RPF1: variants seen among roughly 807,000 people sequenced by gnomAD.
The protein encoded by RPF1 is ribosome production factor 1.
Under a neutral mutation model 41.9 loss-of-function variants are expected in RPF1, and 34 were observed. The observed-to-expected ratio is 0.81, with a 90% CI of 0.62 to 1.08. The LOEUF (loss-of-function observed/expected upper bound fraction) is 1.08. Among genes scored for constraint, RPF1 ranks in the 50% least tolerant of loss-of-function variants. RPF1 has a pLI of 0.00. For synonymous variants in RPF1, 140 were observed against 148.9 expected (o/e 0.94, Z 0.43); for missense variants, 425 against 435.2 (o/e 0.98, Z 0.21).
In RPF1 at chr1:84,481,160, A is replaced by G. The variant is rs538462283; in HGVS notation, c.285+148A>G. The G allele has an allele frequency of 1.0e-3, 540 of 521,080 alleles. 10 individuals carry two copies. Among genetic ancestry groups the G allele is most frequent in the Middle Eastern group, 5.2e-4 (1 of 1,922 alleles). 32.3% of individuals were successfully genotyped at this position (521,080 alleles called of 1,614,324 possible). A position where few individuals can be genotyped will look rare whatever the true frequency, so the allele number is the denominator to read the frequency against. ...AAAGTAATATAATAAACCTCTTTGT[A>G]TCATTTACCCAGCTTAAGAAATAAT... On this transcript the variant is annotated intron_variant, in intron 2 of 8. Coordinates refer to ENST00000370654, the MANE Select transcript of RPF1 (RefSeq NM_025065.7).
intron 3 of RPF1, among the ~76,000 whole-genome samples, chr1:84,487,180 T>A (rs962386667): frequency 6.6e-6 from 1 of 152,128 alleles, no homozygotes; most frequent in Admixed American, 6.5e-5. Context: ...TAATTTTGAG[T>A]CATGGAATGT....
rs1389084302 is a variant in RPF1 at position 84,497,631 on chromosome 1, T to TATGTAGAA, written c.*163_*170dup. The stretch of plus-strand genomic sequence containing the variant: ...ATGCCATGAATTGCCACTGTGTGTT[T>TATGTAGAA]ATGTAGAAAATACAAATAAAAGTTA... On this transcript the variant is annotated 3_prime_UTR_variant, in exon 9 of 9. Coordinates refer to ENST00000370654, the MANE Select transcript of RPF1 (RefSeq NM_025065.7). The TATGTAGAA allele has an allele frequency of 8.1e-6, 4 of 496,840 alleles. No homozygotes were observed. The highest frequency in any genetic ancestry group is 1.4e-5 in the Non-Finnish European group (4 of 275,984). The allele number at this position is 496,840 out of a possible 1,614,324, so 30.8% of individuals were successfully genotyped here. A position where few individuals can be genotyped will look rare whatever the true frequency, so the allele number is the denominator to read the frequency against.
chr1:84,481,243 A>G (rs1002483828), intron 2 of RPF1, among the ~76,000 whole-genome samples: 2 of 152,228 alleles, frequency 1.3e-5, no homozygotes, highest in African/African-American at 4.8e-5. Context: ...TTTCCCTCCG[A>G]AGATAACCAC....
intron 5 of RPF1, among the ~76,000 whole-genome samples, chr1:84,493,496 G>T (rs1167674973): frequency 6.6e-6 from 1 of 151,908 alleles, no homozygotes; most frequent in Admixed American, 6.6e-5. Context: ...AGGTTGAGGT[G>T]GGAGGATTGC....
At chr1:84,489,874 AT>A (rs1681801595) in intron 4 of RPF1, 146 bp downstream of exon 4, 1 of 602,098 alleles carries the variant, frequency 1.7e-6, no homozygotes, top group Admixed American at 2.9e-5. Context: ...CTCTGGTAAT[AT>A]GATGTAGGTT....
intron 5 of RPF1, 61 bp downstream of exon 5, chr1:84,490,533 A>G: frequency 1.7e-6 from 2 of 1,163,024 alleles, no homozygotes; most frequent in South Asian, 3.5e-5. Flanking sequence ...TTAAAAATAT[A>G]TTTAAAAGAA....
At chr1:84,487,966 T>C (rs1046621876) in intron 3 of RPF1, among the ~76,000 whole-genome samples, 5 of 152,156 alleles carry the variant, frequency 3.3e-5, no homozygotes, top group African/African-American at 1.2e-4. Context: ...CCACAATGAA[T>C]TGTAATGCCA....
intron 3 of RPF1, among the ~76,000 whole-genome samples, chr1:84,485,617 A>C (rs1249280482): frequency 6.6e-6 from 1 of 152,174 alleles, no homozygotes; most frequent in African/African-American, 2.4e-5. Flanking sequence ...GTCCTTTTTC[A>C]GTACTTCTTA....
intron 3 of RPF1, 105 bp downstream of exon 3, chr1:84,483,100 G>T (rs1681681009): frequency 1.6e-6 from 1 of 644,596 alleles, no homozygotes; most frequent in African/African-American, 1.8e-5. Flanking sequence ...TTGCATAATG[G>T]ACTGATTCAG....
chr1:84,486,415 AT>A (rs956436842), intron 3 of RPF1, among the ~76,000 whole-genome samples: 5 of 151,886 alleles, frequency 3.3e-5, no homozygotes, highest in African/African-American at 9.7e-5. Flanking sequence ...GTGAAACCCC[AT>A]CTCTACTAAA....
In RPF1 at chr1:84,490,442, ATTGT is replaced by A. The variant is rs766966264; in HGVS notation, c.588_591del (p.Val197LeufsTer13). On this transcript the variant is annotated frameshift_variant, in exon 5 of 9. Transcript: ENST00000370654. LOFTEE classifies it high-confidence loss of function. The stretch of plus-strand genomic sequence containing the variant: ...CATCGCAAGAGATTTCACAGACCTG[ATTGT>A]TATTAATGAAGATCGTAAAACCCCA... The A allele has an allele frequency of 6.2e-7, 1 of 1,600,594 alleles. No individual in the cohort carries two copies. The highest frequency in any genetic ancestry group is 8.5e-7 in the Non-Finnish European group (1 of 1,175,570).
chr1:84,480,323 T>G (rs1463710534), intron 1 of RPF1, among the ~76,000 whole-genome samples: 1 of 152,196 alleles, frequency 6.6e-6, no homozygotes, highest in Non-Finnish European at 1.5e-5. Flanking sequence ...ATCTGAAACC[T>G]GGTGGATTGA....
intron 2 of RPF1, among the ~76,000 whole-genome samples, chr1:84,482,439 C>G (rs1050991539): frequency 1.3e-5 from 2 of 152,116 alleles, no homozygotes; most frequent in Non-Finnish European, 2.9e-5. Flanking sequence ...AATTTCTCCC[C>G]CATTTACATT....
chr1:84,479,583 C>A (rs987462074), intron 1 of RPF1, 74 bp downstream of exon 1: 1 of 1,365,112 alleles, frequency 7.3e-7, no homozygotes, highest in African/African-American at 1.4e-5. Context: ...GGGCGCACAT[C>A]TGTGGTTGTC....
At chr1:84,489,500 C>T in intron 3 of RPF1, 133 bp from the exon 4 acceptor site, 1 of 614,280 alleles carries the variant, frequency 1.6e-6, no homozygotes, top group South Asian at 1.9e-5. Context: ...AATGTCAGTC[C>T]TTCCTAGTCT....
chr1:84,482,412 A>G (rs1042205322), intron 2 of RPF1, among the ~76,000 whole-genome samples: 1 of 152,190 alleles, frequency 6.6e-6, no homozygotes, highest in South Asian at 2.1e-4. Context: ...TAGGGATACT[A>G]TGTATTTCTT....
Position 84,483,195 on chromosome 1 carries a change from A to G in RPF1, c.366+200A>G, listed in dbSNP as rs1194975503. 7.5e-6 allele frequency: 4 copies of G among 533,380 alleles called. No homozygotes were observed. In the East Asian group the frequency reaches 1.2e-4, roughly 16 times the overall value. 33.0% of individuals were successfully genotyped at this position (533,380 alleles called of 1,614,324 possible). ...CAATAATGCTATAGAAAAATTCTATAAAAATTCTAGGTAAACTTTTACATT... is the reference window on the plus strand; with the variant it reads ...CAATAATGCTATAGAAAAATTCTATGAAAATTCTAGGTAAACTTTTACATT... On this transcript the variant is annotated intron_variant, in intron 3 of 8. Coordinates refer to ENST00000370654, the MANE Select transcript of RPF1 (RefSeq NM_025065.7).
intron 5 of RPF1, among the ~76,000 whole-genome samples, chr1:84,493,545 G>A (rs529920270): frequency 5.3e-5 from 8 of 151,238 alleles, no homozygotes; most frequent in South Asian, 4.2e-4. Context: ...ACCCATGGTC[G>A]TGCCATTGCA....
At position 84,484,754 on chromosome 1, in the gene RPF1, C is replaced by T. The variant is rs193167480; in HGVS notation, c.366+1759C>T. On this transcript the variant is annotated intron_variant, in intron 3 of 8. Transcript: ENST00000370654. ...AGGCTGGAGTGCAGTGGCATGATCT[C>T]GGCTCACTGCAACCTCTGCCTCCCA... 3.4e-3 allele frequency among the ~76,000 whole-genome samples: 506 copies of T among 150,474 alleles called. 4 individuals are homozygous for T. Among genetic ancestry groups the T allele is most frequent in the African/African-American group, 0.011 (461 of 40,864 alleles).
Sources: gnomAD v4.1 joint callset for allele counts (sites outside exome capture counted in the v4.1 genomes callset) on GRCh38, gnomAD v4.1.1 for gene constraint, MANE v1.5 for transcripts, NCBI Gene and HGNC (gene_info 2026-07-23, HGNC 2026-07-21) for gene names.